The following RIPOR2 variants were observed in gnomAD, a reference collection of about 807,000 sequenced individuals.
The protein encoded by RIPOR2 is RHO family interacting cell polarization regulator 2.
A neutral mutation model predicts 114.5 loss-of-function variants in RIPOR2; 39 were observed. The observed-to-expected ratio is 0.34, with a 90% confidence interval of 0.26 to 0.44. The LOEUF (loss-of-function observed/expected upper bound fraction) is 0.44, where lower values mean the gene tolerates loss of function less well. Ranked by LOEUF, RIPOR2 falls within the 20% of genes least tolerant of loss-of-function variation. RIPOR2 has a pLI of 1.00. For synonymous variants in RIPOR2, 445 were observed against 484.4 expected, an observed-to-expected ratio of 0.92 and a Z score of 1.07; for missense variants, 1,007 against 1,255.1, an observed-to-expected ratio of 0.80 and a Z score of 2.99.
chr6:24,986,847 G>A (rs1774548650), intron 1 of RIPOR2, among the ~76,000 whole-genome samples: 1 of 151,888 alleles, frequency 6.6e-6, no homozygotes, highest in African/African-American at 2.4e-5. Flanking sequence ...GCTTCCCTGG[G>A]CCACACTGGA....
At chr6:24,853,835 G>A (rs991484466) in intron 8 of RIPOR2, among the ~76,000 whole-genome samples, 1 of 152,182 alleles carries the variant, frequency 6.6e-6, no homozygotes, top group Non-Finnish European at 1.5e-5. Flanking sequence ...AAAGACACAA[G>A]GCTGGCATGG....
rs547805496 is a variant in RIPOR2 at position 24,891,968 on chromosome 6, C to T, written c.62-16151G>A. On this transcript the variant is annotated intron_variant, in intron 1 of 21. Coordinates refer to ENST00000643898, the MANE Select transcript of RIPOR2 (RefSeq NM_001286445.3). ...CCACCTCCCAGGTTCAAGTGATTCTCGTGCCTCAGCCTCTCAAATAGCTGG... is the reference window on the plus strand; with the variant it reads ...CCACCTCCCAGGTTCAAGTGATTCTTGTGCCTCAGCCTCTCAAATAGCTGG... Among the ~76,000 whole-genome samples, 6 of 152,326 alleles carry T rather than the reference C, an allele frequency of 3.9e-5. No homozygotes were observed. In the South Asian group the frequency reaches 1.0e-3, roughly 26 times the overall value.
At chr6:25,027,418 G>C (rs1340443063) in intron 1 of RIPOR2, among the ~76,000 whole-genome samples, 5 of 152,238 alleles carry the variant, frequency 3.3e-5, no homozygotes, top group Admixed American at 3.3e-4. Context: ...GCTGGCCTCT[G>C]TGGGAGGGTC....
chr6:25,024,825 C>T (rs1454570899), intron 1 of RIPOR2, among the ~76,000 whole-genome samples: 1 of 152,206 alleles, frequency 6.6e-6, no homozygotes, highest in Non-Finnish European at 1.5e-5. Context: ...TTTGCCAATG[C>T]TTTGCCTTCA....
intron 1 of RIPOR2, among the ~76,000 whole-genome samples, chr6:24,884,853 G>A (rs990697988): frequency 2.6e-5 from 4 of 152,066 alleles, no homozygotes; most frequent in African/African-American, 7.2e-5. Context: ...AGAAAACGAC[G>A]AAGTGCTTTA....
chr6:24,993,723 G>C (rs1774931254), intron 1 of RIPOR2, among the ~76,000 whole-genome samples: 1 of 152,236 alleles, frequency 6.6e-6, no homozygotes, highest in Non-Finnish European at 1.5e-5. Context: ...AATTCAGTCT[G>C]CCAATTGTTT....
At chr6:24,808,274 C>G (rs12194352) in intron 21 of RIPOR2, among the ~76,000 whole-genome samples, 66,110 of 152,002 alleles carry the variant, frequency 0.43, 15,483 homozygotes, top group Non-Finnish European at 0.53. Flanking sequence ...GATCAGCTTC[C>G]TTAGGTTACA....
chr6:24,979,342 G>C (rs1454235917), intron 1 of RIPOR2, among the ~76,000 whole-genome samples: 1 of 59,092 alleles, frequency 1.7e-5, no homozygotes, highest in African/African-American at 7.0e-5. Flanking sequence ...TTCCTTTTCT[G>C]TTTTTAAAAG....
chr6:24,828,190 G>C lies in RIPOR2; in HGVS notation c.2612C>G (p.Thr871Ser). The change falls in exon 18 of 22, where the codon ACC becomes AGC. Residue 871 changes from threonine to serine, a missense_variant. By Grantham distance (58) the Thr-to-Ser change is moderately conservative. Transcript: ENST00000643898. ...CTCCAGGTCACTGACGCCGTGGCTG[G>C]TGAAGTAACTGTAATACTGGAAAAC... ...VTVFQYYSYF[T>S]SHGVSDLESY... 6.4e-7 allele frequency: 1 copy of C among 1,551,278 alleles called. No individual in the cohort carries two copies. The highest frequency in any genetic ancestry group is 2.4e-5 in the East Asian group (1 of 40,908).
chr6:24,997,011 C>T (rs532237034), intron 1 of RIPOR2, among the ~76,000 whole-genome samples: 2 of 152,344 alleles, frequency 1.3e-5, no homozygotes, highest in East Asian at 3.9e-4. Flanking sequence ...GCTGAAGCGG[C>T]TACAAGTGTT....
intron 13 of RIPOR2, 145 bp from the exon 14 acceptor site, chr6:24,839,417 T>C (rs1761418730): frequency 7.0e-7 from 1 of 1,432,582 alleles, no homozygotes; most frequent in East Asian, 2.5e-5. Context: ...CATTTAAAAA[T>C]CTTTATATCC....
intron 1 of RIPOR2, among the ~76,000 whole-genome samples, chr6:24,978,466 A>G (rs1774165626): frequency 6.6e-6 from 1 of 152,184 alleles, no homozygotes; most frequent in African/African-American, 2.4e-5. Context: ...AGGTCTTTGC[A>G]TGTAAAAGCC....
chr6:25,019,841 A>C (rs1392241814), intron 1 of RIPOR2, among the ~76,000 whole-genome samples: 1 of 151,340 alleles, frequency 6.6e-6, no homozygotes, highest in East Asian at 1.9e-4. Context: ...GATGTCAATA[A>C]GTATGATAAT....
At position 24,880,096 on chromosome 6, in the gene RIPOR2, C is replaced by A. The variant is rs563176268; in HGVS notation, c.62-4279G>T. The stretch of plus-strand genomic sequence containing the variant: ...AATTTGGCAGTATCTGTTTAAGCTG[C>A]AAAACATACTAATCCTTTAACAGGG... On this transcript the variant is annotated intron_variant, in intron 1 of 21. Coordinates refer to ENST00000643898, the MANE Select transcript of RIPOR2 (RefSeq NM_001286445.3). Among the ~76,000 whole-genome samples the A allele has an allele frequency of 2.0e-5, 3 of 152,210 alleles. No homozygotes were observed. The South Asian group carries it at 6.2e-4, about 32-fold the overall frequency.
At chr6:24,967,664 G>A (rs1009927658) in intron 1 of RIPOR2, among the ~76,000 whole-genome samples, 6 of 152,168 alleles carry the variant, frequency 3.9e-5, no homozygotes, top group Non-Finnish European at 8.8e-5. Flanking sequence ...TAGGGCAGAA[G>A]TTACAGGATG....
intron 5 of RIPOR2, among the ~76,000 whole-genome samples, chr6:24,869,351 C>G (rs1437182322): frequency 1.4e-5 from 2 of 139,014 alleles, no homozygotes; most frequent in African/African-American, 5.4e-5. Context: ...AAGTTTCGCT[C>G]TTGTTGCCCA....
intron 21 of RIPOR2, 87 bp from the exon 22 acceptor site, chr6:24,806,560 A>G: frequency 1.1e-6 from 1 of 936,758 alleles, no homozygotes; most frequent in Non-Finnish European, 1.6e-6. Flanking sequence ...TTGTTTAGGG[A>G]TGGGTTGCTA....
At chr6:24,830,369 A>G in intron 17 of RIPOR2, 140 bp downstream of exon 17, 1 of 650,790 alleles carries the variant, frequency 1.5e-6, no homozygotes, top group South Asian at 1.9e-5. Flanking sequence ...TGGACAGTAC[A>G]CTTCTTTTTT....
intron 7 of RIPOR2, 68 bp from the exon 8 acceptor site, chr6:24,861,104 T>C: frequency 9.5e-7 from 1 of 1,054,444 alleles, no homozygotes; most frequent in Non-Finnish European, 1.5e-6. Flanking sequence ...CACACGACGT[T>C]CGAACAGCAG....
Sources: allele counts gnomAD v4.1 joint callset (sites outside exome capture counted in the v4.1 genomes callset), GRCh38; gene constraint gnomAD v4.1.1; transcripts MANE v1.5; gene names NCBI Gene and HGNC (gene_info 2026-07-23, HGNC 2026-07-21).